The following GRID2 variants were observed in gnomAD, a reference collection of about 807,000 sequenced individuals.
GRID2 encodes the protein glutamate ionotropic receptor delta type subunit 2.
GRID2 carries 33 observed loss-of-function variants against 114.8 expected under a neutral mutation model. The observed-to-expected ratio is 0.29, with a 90% CI of 0.22 to 0.38. The LOEUF is 0.38. Ranked by LOEUF, GRID2 falls within the 10% of genes least tolerant of loss-of-function variation. GRID2 has a pLI of 1.00. For synonymous variants in GRID2, 505 were observed against 449.9 expected, an observed-to-expected ratio of 1.12 and a Z score of -1.55; for missense variants, 1,184 against 1,257.7, an observed-to-expected ratio of 0.94 and a Z score of 0.89.
At chr4:93,796,055 G>A (rs1414377241) in intron 1 of GRID2, among the ~76,000 whole-genome samples, 4 of 152,106 alleles carry the variant, frequency 2.6e-5, no homozygotes, top group African/African-American at 9.7e-5. Context: ...TTCTCTTACT[G>A]GCTATTGACC....
At chr4:93,506,466 A>T (rs2149480379) in intron 12 of GRID2, among the ~76,000 whole-genome samples, 1 of 152,290 alleles carries the variant, frequency 6.6e-6, no homozygotes, top group African/African-American at 2.4e-5. Context: ...AAAAAAATTA[A>T]AATGAAATAG....
At chr4:93,143,999 G>A (rs1233769671) in intron 4 of GRID2, among the ~76,000 whole-genome samples, 1 of 151,976 alleles carries the variant, frequency 6.6e-6, no homozygotes, top group Non-Finnish European at 1.5e-5. Context: ...AAAGACAAAC[G>A]TTATAATGTA....
In GRID2 at chr4:93,586,323, A is replaced by G. The variant is rs549983378; in HGVS notation, c.2194-39946A>G. ...GATACCTGTCTCCTAAACTTTTCTCATATCCTTCACCTTATCTCCAATTCT... is the reference window on the plus strand; with the variant it reads ...GATACCTGTCTCCTAAACTTTTCTCGTATCCTTCACCTTATCTCCAATTCT... On this transcript the variant is annotated intron_variant, in intron 13 of 15. Transcript: ENST00000282020. 8.1e-4 allele frequency among the ~76,000 whole-genome samples: 123 copies of G among 152,032 alleles called. 2 individuals carry two copies. Among genetic ancestry groups the G allele is most frequent in the South Asian group, 7.9e-3 (38 of 4,818 alleles).
chr4:93,358,403 T>C (rs977895585), intron 8 of GRID2, among the ~76,000 whole-genome samples: 6 of 151,922 alleles, frequency 3.9e-5, no homozygotes, highest in Non-Finnish European at 7.4e-5. Flanking sequence ...TTTTAAGTAC[T>C]AATTGTTAAA....
At chr4:92,514,140 G>A (rs1440092035) in intron 1 of GRID2, among the ~76,000 whole-genome samples, 1 of 151,818 alleles carries the variant, frequency 6.6e-6, no homozygotes, top group Non-Finnish European at 1.5e-5. Flanking sequence ...GCCAACTGAT[G>A]AGTTCTGTTT....
chr4:93,398,816 T>C (rs1343199153), intron 9 of GRID2, among the ~76,000 whole-genome samples: 2 of 150,926 alleles, frequency 1.3e-5, no homozygotes, highest in East Asian at 3.9e-4. Flanking sequence ...GAGTAACAGG[T>C]TGTTATACTT....
At chr4:92,661,396 C>T (rs1245643719) in intron 2 of GRID2, among the ~76,000 whole-genome samples, 1 of 150,612 alleles carries the variant, frequency 6.6e-6, no homozygotes, top group Non-Finnish European at 1.5e-5. Context: ...TATTTTGTGG[C>T]CAATACATTA....
chr4:93,796,789 A>T (rs1439369425), intron 1 of GRID2, among the ~76,000 whole-genome samples: 1 of 152,192 alleles, frequency 6.6e-6, no homozygotes, highest in Non-Finnish European at 1.5e-5. Flanking sequence ...ACCTCAAGTG[A>T]TCTACCTGCC....
intron 2 of GRID2, among the ~76,000 whole-genome samples, chr4:93,077,632 G>A (rs886346698): frequency 4.6e-5 from 7 of 152,058 alleles, no homozygotes; most frequent in African/African-American, 1.7e-4. Context: ...TGCTTGTTAT[G>A]TTTATGATTA....
chr4:92,916,760 T>C (rs1396974362), intron 2 of GRID2, among the ~76,000 whole-genome samples: 1 of 152,230 alleles, frequency 6.6e-6, no homozygotes, highest in African/African-American at 2.4e-5. Flanking sequence ...CAGTCTATCA[T>C]TGTTGGACAT....
At position 92,590,254 on chromosome 4, in the gene GRID2, A is replaced by G. The variant is rs368889618; in HGVS notation, c.212A>G (p.Asp71Gly). Residue 71 changes from aspartate (D) to glycine (G), a missense_variant, in exon 2 of 16, where the codon GAT becomes GGT. Asp to Gly is a moderately conservative substitution (Grantham distance 94, BLOSUM62 -1). Transcript: ENST00000282020. ...EKITFSVTFV[D>G]GNNPFQAVQE... ...ATCACATTTTCAGTGACGTTTGTTG[A>G]TGGCAACAACCCTTTCCAAGCAGTT... 2 of 1,613,474 alleles carry G rather than the reference A, an allele frequency of 1.2e-6. No homozygotes were observed. The highest frequency in any genetic ancestry group is 1.3e-5 in the African/African-American group (1 of 75,036).
intron 2 of GRID2, among the ~76,000 whole-genome samples, chr4:92,671,240 A>G (rs375049908): frequency 7.0e-6 from 1 of 142,872 alleles, no homozygotes; most frequent in African/African-American, 2.6e-5. Context: ...TTAAACAATC[A>G]GATCTCATGA....
chr4:93,244,445 C>A lies in GRID2; in HGVS notation c.1245+5955C>A, dbSNP rs544866847. Among the ~76,000 whole-genome samples the A allele has an allele frequency of 1.3e-4, 20 of 149,774 alleles. No individual in the cohort carries two copies. In the East Asian group the frequency reaches 2.7e-3, roughly 20 times the overall value. On this transcript the variant is annotated intron_variant, in intron 8 of 15. Transcript: ENST00000282020. ...AAGTCTACAACTTTGTGTTCTTGGG[C>A]AAACCTAATGTACTGCTTCGCAAAG...
intron 2 of GRID2, among the ~76,000 whole-genome samples, chr4:92,831,340 G>C (rs1742085883): frequency 6.6e-6 from 1 of 152,088 alleles, no homozygotes; most frequent in South Asian, 2.1e-4. Context: ...ATTACAAATG[G>C]CTGGTCTGAG....
intron 4 of GRID2, among the ~76,000 whole-genome samples, chr4:93,178,380 ATTTTTTTTTTTT>A (rs11428288): frequency 6.4e-4 from 32 of 50,334 alleles, no homozygotes; most frequent in Admixed American, 2.2e-3. Flanking sequence ...TTGAAAATAG[ATTTTTTTTTTTT>A]TTTTTTTTTT....
intron 6 of GRID2, 55 bp downstream of exon 6, chr4:93,216,966 A>T: frequency 8.2e-7 from 1 of 1,225,194 alleles, no homozygotes; most frequent in South Asian, 1.2e-5. Context: ...GGCAATTGCA[A>T]GGAGAGCTTT....
intron 4 of GRID2, among the ~76,000 whole-genome samples, chr4:93,180,851 T>C (rs1369053297): frequency 6.6e-6 from 1 of 152,182 alleles, no homozygotes; most frequent in African/African-American, 2.4e-5. Flanking sequence ...CCTTGCTATT[T>C]ACAGCACATC....
At chr4:92,543,558 A>G (rs1178913108) in intron 1 of GRID2, among the ~76,000 whole-genome samples, 1 of 152,196 alleles carries the variant, frequency 6.6e-6, no homozygotes, top group African/African-American at 2.4e-5. Flanking sequence ...TAGTTTTGCA[A>G]GAAGCATTTT....
chr4:92,911,672 GT>G (rs1748392423), intron 2 of GRID2, among the ~76,000 whole-genome samples: 1 of 151,554 alleles, frequency 6.6e-6, no homozygotes, highest in African/African-American at 2.4e-5. Flanking sequence ...TCCATCTGTG[GT>G]TTTCTTTTTT....
Sources: gnomAD v4.1 joint callset for allele counts (sites outside exome capture counted in the v4.1 genomes callset) on GRCh38, gnomAD v4.1.1 for gene constraint, MANE v1.5 for transcripts, NCBI Gene and HGNC (gene_info 2026-07-23, HGNC 2026-07-21) for gene names.